NME7: variants seen among roughly 807,000 people sequenced by gnomAD.
The protein encoded by NME7 is nucleoside diphosphate kinase 7.
A neutral mutation model predicts 49.1 loss-of-function variants in NME7; 41 were observed. The observed-to-expected ratio is 0.83, with a 90% confidence interval of 0.65 to 1.08. The LOEUF (loss-of-function observed/expected upper bound fraction) is 1.08. Ranked by LOEUF, NME7 falls within the 50% of genes least tolerant of loss-of-function variation. The pLI is 0.00. For synonymous variants in NME7, 139 were observed against 150.6 expected, an observed-to-expected ratio of 0.92 and a Z score of 0.56; for missense variants, 423 against 463.4, an observed-to-expected ratio of 0.91 and a Z score of 0.80.
At chr1:169,241,799 A>G (rs1270987015) in intron 7 of NME7, among the ~76,000 whole-genome samples, 1 of 151,928 alleles carries the variant, frequency 6.6e-6, no homozygotes, top group Admixed American at 6.6e-5. Context: ...GTGCAATTCA[A>G]AATTGTATAC....
intron 11 of NME7, among the ~76,000 whole-genome samples, chr1:169,148,298 C>T (rs558270942): frequency 4.6e-5 from 7 of 152,130 alleles, no homozygotes; most frequent in Non-Finnish European, 5.9e-5. Flanking sequence ...CCACTGCACC[C>T]GGACTCATTT....
intron 6 of NME7, among the ~76,000 whole-genome samples, chr1:169,289,918 G>T (rs1413392018): frequency 1.3e-5 from 2 of 151,788 alleles, no homozygotes; most frequent in African/African-American, 2.4e-5. Flanking sequence ...GGATTTGAGG[G>T]GCTAAAATAT....
rs1057471378 is a variant in NME7, at chr1:169,182,150, G to C, written c.991-12596C>G. On this transcript the variant is annotated intron_variant, in intron 10 of 11. Coordinates refer to ENST00000367811, the MANE Select transcript of NME7 (RefSeq NM_013330.5). The stretch of plus-strand genomic sequence containing the variant: ...TTCCAGAGTAGCTCGGACTACAGGT[G>C]CATGCCACCACAACTAGCTAATTTA... Among the ~76,000 whole-genome samples, 39 of 139,672 alleles carry C rather than the reference G, an allele frequency of 2.8e-4. 1 individual carries two copies. Among genetic ancestry groups the C allele is most frequent in the Non-Finnish European group, 4.1e-4 (27 of 65,468 alleles). 91.6% of individuals were successfully genotyped at this position (139,672 alleles called of 152,430 possible).
chr1:169,278,491 C>A (rs938047552), intron 7 of NME7, among the ~76,000 whole-genome samples: 1 of 152,098 alleles, frequency 6.6e-6, no homozygotes, highest in Non-Finnish European at 1.5e-5. Context: ...ACTCCTGAGG[C>A]TTCTGCATTC....
chr1:169,311,066 G>A (rs574415456), intron 3 of NME7, among the ~76,000 whole-genome samples: 4 of 152,094 alleles, frequency 2.6e-5, no homozygotes, highest in Non-Finnish European at 5.9e-5. Flanking sequence ...AAGGAGAAAG[G>A]TTGGTCTTTT....
chr1:169,210,609 C>G (rs1370309710), intron 10 of NME7, among the ~76,000 whole-genome samples: 14 of 151,848 alleles, frequency 9.2e-5, no homozygotes, highest in Admixed American at 7.9e-4. Flanking sequence ...CACACACACA[C>G]TCCATCAGAA....
intron 10 of NME7, among the ~76,000 whole-genome samples, chr1:169,189,343 T>C (rs969959024): frequency 6.6e-6 from 1 of 152,176 alleles, no homozygotes; most frequent in Non-Finnish European, 1.5e-5. Context: ...ACAAAATCAT[T>C]ATTTTCGCAC....
intron 11 of NME7, among the ~76,000 whole-genome samples, chr1:169,156,813 G>T (rs1659089490): frequency 6.6e-6 from 1 of 152,160 alleles, no homozygotes; most frequent in Non-Finnish European, 1.5e-5. Context: ...TCTTTTATCT[G>T]AGAAAACAAC....
intron 1 of NME7, among the ~76,000 whole-genome samples, chr1:169,357,319 C>T (rs1240294527): frequency 6.6e-6 from 1 of 151,876 alleles, no homozygotes; most frequent in African/African-American, 2.4e-5. Flanking sequence ...ATATATATAG[C>T]ATGTTGCAAG....
rs114777124 is a variant in NME7, at chr1:169,185,838, T to A, written c.991-16284A>T. Among the ~76,000 whole-genome samples, 981 of 152,252 alleles carry A rather than the reference T, an allele frequency of 6.4e-3. 14 individuals are homozygous for A. The highest frequency in any genetic ancestry group is 0.022 in the African/African-American group (922 of 41,566). ...TACTTAGCATGCAAAAACTTAGTTG[T>A]GAATGTCTCTTCCTAGAGTTGATAA... On this transcript the variant is annotated intron_variant, in intron 10 of 11. Coordinates refer to ENST00000367811, the MANE Select transcript of NME7 (RefSeq NM_013330.5).
At chr1:169,245,349 T>C (rs1311841016) in intron 7 of NME7, among the ~76,000 whole-genome samples, 2 of 152,114 alleles carry the variant, frequency 1.3e-5, no homozygotes, top group Non-Finnish European at 2.9e-5. Flanking sequence ...AAAGGACACT[T>C]TGGTGAGCAA....
At chr1:169,337,647 C>T (rs1443059986) in intron 1 of NME7, among the ~76,000 whole-genome samples, 1 of 152,132 alleles carries the variant, frequency 6.6e-6, no homozygotes, top group Non-Finnish European at 1.5e-5. Context: ...CTCTCAATAG[C>T]AGATCATTAA....
At position 169,230,716 on chromosome 1, in the gene NME7, A is replaced by C. The variant is rs1436906985; in HGVS notation, c.990+2T>G. 2.5e-6 allele frequency: 4 copies of C among 1,581,122 alleles called. No homozygotes were observed. The highest frequency in any genetic ancestry group is 3.5e-6 in the Non-Finnish European group (4 of 1,159,142). On this transcript the variant is annotated splice_donor_variant, in intron 10 of 11. Transcript: ENST00000367811. LOFTEE classifies it high-confidence loss of function. The stretch of plus-strand genomic sequence containing the variant: ...AGGATAATATTTTAAACAATAACTT[A>C]CAGGATCAGCAGGTCCACAAAATTC...
intron 1 of NME7, among the ~76,000 whole-genome samples, chr1:169,357,032 T>C (rs984363712): frequency 3.9e-5 from 6 of 152,164 alleles, no homozygotes; most frequent in African/African-American, 1.4e-4. Context: ...ACAACAGCAG[T>C]AGTAACAGTA....
chr1:169,321,436 A>G (rs1371542646), intron 3 of NME7, among the ~76,000 whole-genome samples: 1 of 152,244 alleles, frequency 6.6e-6, no homozygotes, highest in Non-Finnish European at 1.5e-5. Context: ...AGTGTCTGGC[A>G]CATAGTATGT....
chr1:169,150,526 A>G (rs1571244965), intron 11 of NME7, among the ~76,000 whole-genome samples: 3 of 152,266 alleles, frequency 2.0e-5, no homozygotes, highest in African/African-American at 4.8e-5. Flanking sequence ...CAAAATAGAG[A>G]CAAGCATTGC....
At chr1:169,284,059 T>C (rs1301168208) in intron 7 of NME7, 1 of 152,226 alleles carries the variant, frequency 6.6e-6, no homozygotes, top group African/African-American at 2.4e-5. Flanking sequence ...CTTGGTCCCA[T>C]TCTCCCCGTC....
chr1:169,181,364 T>TACACACAC (rs58453647), intron 10 of NME7, among the ~76,000 whole-genome samples: 275 of 91,562 alleles, frequency 3.0e-3, no homozygotes, highest in African/African-American at 4.6e-3. Flanking sequence ...CTCAAATTCC[T>TACACACAC]ACACACACAC....
chr1:169,275,743 A>T (rs190055524), intron 7 of NME7, among the ~76,000 whole-genome samples: 1 of 132,638 alleles, frequency 7.5e-6, no homozygotes, highest in East Asian at 2.0e-4. Context: ...GTGGTGAGAG[A>T]GGGCATCCCT....
Sources: gnomAD v4.1 joint callset for allele counts (sites outside exome capture counted in the v4.1 genomes callset) on GRCh38, gnomAD v4.1.1 for gene constraint, MANE v1.5 for transcripts, NCBI Gene and HGNC (gene_info 2026-07-23, HGNC 2026-07-21) for gene names.